MTSS1: variants seen among roughly 807,000 people sequenced by gnomAD.
MTSS1 encodes protein MTSS 1.
MTSS1 carries 18 observed loss-of-function variants against 79.0 expected under a neutral mutation model. The ratio of observed to expected loss-of-function variants is 0.23; its 90% CI spans 0.16 to 0.34. The LOEUF (loss-of-function observed/expected upper bound fraction) is 0.34. Among genes scored for constraint, MTSS1 ranks in the 10% least tolerant of loss-of-function variants. MTSS1 has a pLI of 1.00. For synonymous variants in MTSS1, 341 were observed against 368.6 expected (o/e 0.93, Z 0.86); for missense variants, 815 against 986.2 (o/e 0.83, Z 2.33).
At chr8:124,615,754 T>C (rs527326928) in intron 3 of MTSS1, among the ~76,000 whole-genome samples, 1 of 152,302 alleles carries the variant, frequency 6.6e-6, no homozygotes, top group South Asian at 2.1e-4. Context: ...AATGATCTCA[T>C]TATAGCTTTG....
chr8:124,687,073 G>A (rs1238773029), intron 3 of MTSS1, among the ~76,000 whole-genome samples: 2 of 152,160 alleles, frequency 1.3e-5, no homozygotes, highest in African/African-American at 2.4e-5. Context: ...GCTCAAGACC[G>A]AGGCTGGACT....
chr8:124,580,430 T>G, intron 6 of MTSS1: 1 of 1,049,902 alleles, frequency 9.5e-7, no homozygotes. Context: ...GTAGGCACAG[T>G]TGATTGTTTT....
At chr8:124,658,707 A>G (rs1821441175) in intron 3 of MTSS1, among the ~76,000 whole-genome samples, 2 of 152,296 alleles carry the variant, frequency 1.3e-5, no homozygotes, top group South Asian at 2.1e-4. Context: ...CTAAACAACC[A>G]GAGCTCCTGA....
At chr8:124,710,338 G>A (rs1459003895) in intron 1 of MTSS1, among the ~76,000 whole-genome samples, 2 of 152,206 alleles carry the variant, frequency 1.3e-5, no homozygotes, top group African/African-American at 4.8e-5. Context: ...CTAGTTCCTG[G>A]GAGAGAGAGG....
intron 1 of MTSS1, among the ~76,000 whole-genome samples, chr8:124,718,563 C>G (rs1424467909): frequency 6.6e-6 from 1 of 152,102 alleles, no homozygotes; most frequent in African/African-American, 2.4e-5. Flanking sequence ...CACTTCAAAA[C>G]AAAGAGGGGC....
intron 9 of MTSS1, chr8:124,563,224 T>TA (rs1204029401): frequency 1.8e-6 from 1 of 544,964 alleles, no homozygotes; most frequent in Admixed American, 3.3e-5. Flanking sequence ...CAGGGGGAAA[T>TA]ACAGCTGCCA....
intron 5 of MTSS1, among the ~76,000 whole-genome samples, chr8:124,586,768 G>A (rs527448949): frequency 2.6e-5 from 4 of 152,150 alleles, no homozygotes; most frequent in Non-Finnish European, 4.4e-5. Context: ...GCCGGACAAT[G>A]GGTCTCAATT....
chr8:124,704,062 G>A (rs1220140250), intron 2 of MTSS1, 68 bp downstream of exon 2: 2 of 1,386,728 alleles, frequency 1.4e-6, no homozygotes, highest in African/African-American at 2.8e-5. Context: ...TCTGCATTTT[G>A]GTCTGTCCCA....
intron 3 of MTSS1, among the ~76,000 whole-genome samples, chr8:124,696,331 A>T (rs555895485): frequency 3.5e-4 from 53 of 152,252 alleles, no homozygotes; most frequent in African/African-American, 1.0e-3. Context: ...CCTATTTTTT[A>T]AATTTTTAAG....
At chr8:124,587,543 G>A (rs554334270) in intron 5 of MTSS1, among the ~76,000 whole-genome samples, 1 of 152,208 alleles carries the variant, frequency 6.6e-6, no homozygotes, top group Non-Finnish European at 1.5e-5. Flanking sequence ...GTGTTGTCCA[G>A]GCTGGAGTGC....
intron 3 of MTSS1, among the ~76,000 whole-genome samples, chr8:124,650,011 A>T (rs544155820): frequency 6.6e-6 from 1 of 151,644 alleles, no homozygotes; most frequent in East Asian, 1.9e-4. Flanking sequence ...CACACAGGCC[A>T]ACAGAAGCGC....
chr8:124,600,528 AAATAAGGAG>A (rs1833610391), intron 3 of MTSS1, among the ~76,000 whole-genome samples: 5 of 152,234 alleles, frequency 3.3e-5, no homozygotes, highest in African/African-American at 1.2e-4. Context: ...TTTACAGAGA[AAATAAGGAG>A]CACTGGTTAC....
At chr8:124,604,882 C>A (rs2133105645) in intron 3 of MTSS1, among the ~76,000 whole-genome samples, 1 of 152,364 alleles carries the variant, frequency 6.6e-6, no homozygotes, top group East Asian at 1.9e-4. Flanking sequence ...AATCCTACCA[C>A]CATCTGGCGG....
intron 3 of MTSS1, among the ~76,000 whole-genome samples, chr8:124,646,235 A>T (rs577309784): frequency 5.3e-5 from 8 of 152,346 alleles, no homozygotes; most frequent in Non-Finnish European, 1.0e-4. Flanking sequence ...TATAAGCCTT[A>T]GTCTTTTATT....
intron 3 of MTSS1, among the ~76,000 whole-genome samples, chr8:124,674,662 C>T (rs1355517038): frequency 6.6e-6 from 1 of 151,892 alleles, no homozygotes; most frequent in Non-Finnish European, 1.5e-5. Context: ...TTTATTAAAC[C>T]TCTCCCAGGC....
At chr8:124,705,948 C>G in intron 1 of MTSS1, among the ~76,000 whole-genome samples, 1 of 152,134 alleles carries the variant, frequency 6.6e-6, no homozygotes, top group Middle Eastern at 3.4e-3. Flanking sequence ...CCCTAGGGGA[C>G]AAAAATCACG....
Position 124,727,312 on chromosome 8 carries a change from G to A in MTSS1, c.72+572C>T, listed in dbSNP as rs780350959. 7.2e-5 allele frequency among the ~76,000 whole-genome samples: 11 copies of A among 152,186 alleles called. No homozygotes were observed. Among genetic ancestry groups the A allele is most frequent in the Non-Finnish European group, 1.5e-4 (10 of 68,016 alleles). ...CCGCGGGAGGGCTAAGAGAGGGCAC[G>A]CACACCTTTACCAGCTTCGGAACGG... On this transcript the variant is annotated intron_variant, in intron 1 of 13. Transcript: ENST00000518547. The surrounding 1 kb of genome is among the most constrained non-coding windows in gnomAD (Gnocchi z 4.7).
At position 124,562,919 on chromosome 8, in the gene MTSS1, G is replaced by A. The variant is rs372826786; in HGVS notation, c.898C>T (p.Arg300Cys). 61 of 1,613,680 alleles carry A rather than the reference G, an allele frequency of 3.8e-5. No individual in the cohort carries two copies. In the East Asian group the frequency reaches 6.0e-4, roughly 16 times the overall value. ...SHSHSPSSHYRYRSSNLAQQA... is the reference protein window; with the variant it reads ...SHSHSPSSHYCYRSSNLAQQA... The stretch of plus-strand genomic sequence containing the variant: ...TGGGCCAGGTTGGAGCTGCGGTAGC[G>A]GTAATGTGAGCTGGGGGAATGCGAG... Residue 300 changes from arginine (R) to cysteine (C), a missense_variant, in exon 10 of 14, where the codon CGC becomes TGC. Arg to Cys is a radical substitution (Grantham distance 180, BLOSUM62 -3). Coordinates refer to ENST00000518547, the MANE Select transcript of MTSS1 (RefSeq NM_014751.6).
At chr8:124,675,042 T>C (rs1056455569) in intron 3 of MTSS1, among the ~76,000 whole-genome samples, 7 of 152,182 alleles carry the variant, frequency 4.6e-5, no homozygotes, top group Admixed American at 4.6e-4. Flanking sequence ...TCTTGCTCTT[T>C]CTGTTTTCAA....
Sources: gnomAD v4.1 joint callset for allele counts (sites outside exome capture counted in the v4.1 genomes callset) on GRCh38, gnomAD v4.1.1 for gene constraint, Gnocchi (gnomAD v3.1) non-coding constraint, MANE v1.5 for transcripts, NCBI Gene and HGNC (gene_info 2026-07-23, HGNC 2026-07-21) for gene names.